SLC8A3: variants seen among roughly 807,000 people sequenced by gnomAD.
SLC8A3 encodes solute carrier family 8 member A3.
Under a neutral mutation model 65.4 loss-of-function variants are expected in SLC8A3, and 37 were observed. The ratio of observed to expected loss-of-function variants is 0.57; its 90% confidence interval spans 0.44 to 0.74. The LOEUF (loss-of-function observed/expected upper bound fraction) is 0.74, where lower values mean the gene tolerates loss of function less well. Among genes scored for constraint, SLC8A3 ranks in the 30% least tolerant of loss-of-function variants. The pLI is 0.00. For missense variants in SLC8A3, 1,112 were observed against 1,172.1 expected (o/e 0.95, Z 0.75); for synonymous variants, 461 against 444.5 (o/e 1.04, Z -0.47).
chr14:70,048,722 C>A (rs749184375), intron 6 of SLC8A3, 45 bp downstream of exon 6: 16 of 1,562,664 alleles, frequency 1.0e-5, no homozygotes, highest in Non-Finnish European at 1.3e-5. Context: ...GTCATTTGAA[C>A]CAGGTAAAAT....
intron 5 of SLC8A3, among the ~76,000 whole-genome samples, chr14:70,050,357 C>T (rs1235087787): frequency 6.6e-6 from 1 of 152,150 alleles, no homozygotes; most frequent in Non-Finnish European, 1.5e-5. Context: ...ACAACAAAGT[C>T]TCTCAATAAA....
intron 2 of SLC8A3, among the ~76,000 whole-genome samples, chr14:70,088,558 C>A (rs1404597395): frequency 6.6e-6 from 1 of 152,162 alleles, no homozygotes; most frequent in African/African-American, 2.4e-5. Context: ...TCCTGCGTGG[C>A]TTTAGTGGCC....
intron 5 of SLC8A3, among the ~76,000 whole-genome samples, chr14:70,049,329 G>A (rs1887193238): frequency 1.3e-5 from 2 of 152,142 alleles, no homozygotes; most frequent in African/African-American, 4.8e-5. Context: ...ACAAGACAGT[G>A]GAGCAGAAAG....
At chr14:70,186,896 G>C (rs1021894823) in intron 1 of SLC8A3, among the ~76,000 whole-genome samples, 2 of 152,202 alleles carry the variant, frequency 1.3e-5, no homozygotes, top group Non-Finnish European at 2.9e-5. Context: ...GAAGAGCATG[G>C]CGCAGCAGCT....
At chr14:70,162,106 T>A (rs1242838925) in intron 2 of SLC8A3, among the ~76,000 whole-genome samples, 2 of 152,228 alleles carry the variant, frequency 1.3e-5, no homozygotes, top group Non-Finnish European at 2.9e-5. Context: ...TAATATATTA[T>A]TATTCTTAGT....
At chr14:70,090,031 C>G (rs61977424) in intron 2 of SLC8A3, among the ~76,000 whole-genome samples, 11,566 of 152,078 alleles carry the variant, frequency 0.076, 519 homozygotes, top group Non-Finnish European at 0.11. Flanking sequence ...CCTGTAACTA[C>G]CCTTTCTGTC....
At chr14:70,150,992 T>C (rs539237334) in intron 2 of SLC8A3, among the ~76,000 whole-genome samples, 252 of 152,308 alleles carry the variant, frequency 1.7e-3, no homozygotes, top group Non-Finnish European at 2.8e-3. Flanking sequence ...CGGTAGCTCA[T>C]GCCTGTAATC....
At chr14:70,052,175 C>G in intron 3 of SLC8A3, 61 bp from the exon 4 acceptor site, 1 of 1,533,164 alleles carries the variant, frequency 6.5e-7, no homozygotes, top group East Asian at 2.3e-5. Flanking sequence ...AAGGATACAG[C>G]TCAGAGTATT....
intron 2 of SLC8A3, among the ~76,000 whole-genome samples, chr14:70,159,838 G>A (rs1896783336): frequency 6.6e-6 from 1 of 152,110 alleles, no homozygotes; most frequent in African/African-American, 2.4e-5. Context: ...TTTTTGAAGT[G>A]GCCATTCATG....
chr14:70,085,808 A>T (rs1350672917), intron 2 of SLC8A3, among the ~76,000 whole-genome samples: 3 of 152,220 alleles, frequency 2.0e-5, no homozygotes, highest in African/African-American at 7.2e-5. Flanking sequence ...AATATGCTCC[A>T]GGCACTACTA....
chr14:70,166,887 G>T lies in SLC8A3; in HGVS notation c.1536C>A (p.Val512=). The change falls in exon 2 of 7, where the codon GTC becomes GTA. Residue 512 remains valine (V), a synonymous_variant. Transcript: ENST00000356921. ...IFNSLPLPRA[V]LASPCVATVT... is the part of the protein sequence containing the mutation. ...CTGTGGCCACACAAGGGGAGGCTAG[G>T]ACAGCCCGAGGCAAGGGAAGACTGT... The T allele has an allele frequency of 3.1e-6, 5 of 1,614,150 alleles. No individual in the cohort carries two copies. Among genetic ancestry groups the T allele is most frequent in the Non-Finnish European group, 4.2e-6 (5 of 1,180,010 alleles).
chr14:70,154,399 T>C (rs1479123422), intron 2 of SLC8A3, among the ~76,000 whole-genome samples: 1 of 152,192 alleles, frequency 6.6e-6, no homozygotes, highest in Non-Finnish European at 1.5e-5. Flanking sequence ...GGACCGTCAG[T>C]CTCACTTCCC....
rs1407154604 is a variant in SLC8A3, at chr14:70,060,951, A to G, written c.1785-12T>C. ...CCCTTATGGTTTTCCTGTAGGGACA[A>G]CAAGAGAGAGAGTGTGTCGACTGGG... On this transcript the variant is annotated splice_polypyrimidine_tract_variant and intron_variant, in intron 2 of 6. Transcript: ENST00000356921. 3.2e-6 allele frequency: 4 copies of G among 1,245,276 alleles called. No individual in the cohort carries two copies. In the African/African-American group the frequency reaches 4.5e-5, roughly 14 times the overall value. 77.1% of individuals were successfully genotyped at this position (1,245,276 alleles called of 1,614,324 possible).
chr14:70,091,194 G>T (rs1305025362), intron 2 of SLC8A3, among the ~76,000 whole-genome samples: 1 of 152,212 alleles, frequency 6.6e-6, no homozygotes, highest in Non-Finnish European at 1.5e-5. Context: ...CTTCCTTTCT[G>T]CAGGACATCA....
intron 2 of SLC8A3, among the ~76,000 whole-genome samples, chr14:70,134,839 C>G (rs745923490): frequency 1.3e-5 from 2 of 152,168 alleles, no homozygotes; most frequent in Non-Finnish European, 2.9e-5. Flanking sequence ...TGAGCTGTGT[C>G]CCACTGGAAT....
At chr14:70,152,151 C>T (rs1279647967) in intron 2 of SLC8A3, among the ~76,000 whole-genome samples, 2 of 152,150 alleles carry the variant, frequency 1.3e-5, no homozygotes, top group Admixed American at 6.5e-5. Flanking sequence ...TTTCCAGTGG[C>T]GTGGGCAGTG....
chr14:70,141,122 G>C (rs1217927912), intron 2 of SLC8A3, among the ~76,000 whole-genome samples: 2 of 152,208 alleles, frequency 1.3e-5, no homozygotes, highest in Non-Finnish European at 2.9e-5. Flanking sequence ...GTCAGGCATG[G>C]TGCCAAGTGT....
chr14:70,132,729 G>C (rs773299062), intron 2 of SLC8A3, among the ~76,000 whole-genome samples: 2 of 152,150 alleles, frequency 1.3e-5, no homozygotes, highest in Non-Finnish European at 2.9e-5. Flanking sequence ...TCAGCTCTTT[G>C]CTCCTGAATA....
intron 2 of SLC8A3, among the ~76,000 whole-genome samples, chr14:70,078,588 C>T (rs1469300504): frequency 1.3e-5 from 2 of 152,328 alleles, no homozygotes; most frequent in East Asian, 3.9e-4. Context: ...CAGGCACTTC[C>T]CACTGATGGC....
Sources: gnomAD v4.1 joint callset for allele counts (sites outside exome capture counted in the v4.1 genomes callset) on GRCh38, gnomAD v4.1.1 for gene constraint, MANE v1.5 for transcripts, NCBI Gene and HGNC (gene_info 2026-07-23, HGNC 2026-07-21) for gene names.